The following PDK1 variants were observed in gnomAD, a reference collection of about 807,000 sequenced individuals.
PDK1 encodes pyruvate dehydrogenase kinase 1.
PDK1 carries 39 observed loss-of-function variants against 54.2 expected under a neutral mutation model. The ratio of observed to expected loss-of-function variants is 0.72; its 90% CI spans 0.56 to 0.94. PDK1 has a LOEUF of 0.94. Ranked by LOEUF, PDK1 falls within the 40% of genes least tolerant of loss-of-function variation. PDK1 has a pLI of 0.00. For missense variants in PDK1, 552 were observed against 566.0 expected (o/e 0.98, Z 0.25); for synonymous variants, 221 against 207.1 (o/e 1.07, Z -0.58).
At chr2:172,721,131 T>C in the PDK1 span, among the ~76,000 whole-genome samples, 1 of 152,216 alleles carries the variant, frequency 6.6e-6, no homozygotes, top group African/African-American at 2.4e-5. Context: ...CTTCCTGTGT[T>C]CTGCCGAAGG....
chr2:172,667,315 A>T, the PDK1 span, among the ~76,000 whole-genome samples: 1 of 152,226 alleles, frequency 6.6e-6, no homozygotes, highest in Non-Finnish European at 1.5e-5. Context: ...CAGAGTGAGC[A>T]GGTTTAGAAT....
the PDK1 span, among the ~76,000 whole-genome samples, chr2:172,692,067 C>G: frequency 1.3e-5 from 2 of 152,170 alleles, no homozygotes; most frequent in African/African-American, 4.8e-5. Context: ...AGTGACACTT[C>G]ATAATCAGCC....
chr2:172,661,916 C>T, the PDK1 span, among the ~76,000 whole-genome samples: 2 of 152,128 alleles, frequency 1.3e-5, no homozygotes, highest in East Asian at 3.9e-4. Context: ...GCAACATGCC[C>T]ATGTAACAAA....
chr2:172,563,817 A>T (rs1688786259), intron 3 of PDK1, among the ~76,000 whole-genome samples: 1 of 146,386 alleles, frequency 6.8e-6, no homozygotes, highest in African/African-American at 2.8e-5. Context: ...CTGGGCAACA[A>T]GAGCAAAATT....
the PDK1 span, among the ~76,000 whole-genome samples, chr2:172,629,050 C>G: frequency 6.6e-6 from 1 of 152,088 alleles, no homozygotes; most frequent in Non-Finnish European, 1.5e-5. Flanking sequence ...ATTGCTGGAG[C>G]CTTGAGGAGG....
the PDK1 span, among the ~76,000 whole-genome samples, chr2:172,627,528 G>A: frequency 2.6e-5 from 4 of 152,106 alleles, no homozygotes; most frequent in Non-Finnish European, 4.4e-5. Flanking sequence ...GTCCTTAAAA[G>A]ATCTAGGAAA....
the PDK1 span, among the ~76,000 whole-genome samples, chr2:172,628,111 A>G: frequency 6.6e-6 from 1 of 152,154 alleles, no homozygotes; most frequent in Non-Finnish European, 1.5e-5. Flanking sequence ...GCCAAAACCA[A>G]TGTGTAACCT....
chr2:172,574,604 C>T (rs900181247), intron 8 of PDK1, among the ~76,000 whole-genome samples: 2 of 152,130 alleles, frequency 1.3e-5, no homozygotes, highest in Admixed American at 6.5e-5. Flanking sequence ...TGCTTTCTTT[C>T]AATAATGTTT....
chr2:172,560,699 T>G (rs1688610968), intron 2 of PDK1, among the ~76,000 whole-genome samples: 1 of 152,260 alleles, frequency 6.6e-6, no homozygotes, highest in African/African-American at 2.4e-5. Flanking sequence ...TTTATTTTTC[T>G]GTTTTAAAAC....
At chr2:172,659,487 T>C in the PDK1 span, among the ~76,000 whole-genome samples, 1 of 152,174 alleles carries the variant, frequency 6.6e-6, no homozygotes, top group African/African-American at 2.4e-5. Flanking sequence ...TTAAATAAAT[T>C]TGTATGCTTT....
chr2:172,555,997 G>T (rs1310879626), upstream of PDK1: 2 of 474,786 alleles, frequency 4.2e-6, no homozygotes, highest in Non-Finnish European at 3.4e-6. Context: ...CCCGCCCAGC[G>T]GCGCAGGGGG....
the PDK1 span, among the ~76,000 whole-genome samples, chr2:172,633,389 T>C: frequency 3.6e-3 from 494 of 136,562 alleles, 2 homozygotes; most frequent in Middle Eastern, 0.015. Flanking sequence ...TTCTTTTTTT[T>C]TTTTTTTTTT....
chr2:172,578,235 C>A (rs915425216), intron 8 of PDK1, among the ~76,000 whole-genome samples: 6 of 152,328 alleles, frequency 3.9e-5, no homozygotes, highest in South Asian at 4.1e-4. Context: ...AGTCATTTCT[C>A]TGTTTCTCAG....
chr2:172,582,915 C>T (rs946251467), intron 8 of PDK1, among the ~76,000 whole-genome samples: 2 of 152,180 alleles, frequency 1.3e-5, no homozygotes, highest in African/African-American at 4.8e-5. Context: ...TCTGCTTATC[C>T]CCTCTTATTT....
Position 172,600,484 on chromosome 2 carries a change from C to T in PDK1, c.*4515C>T, listed in dbSNP as rs1657809187. Reference sequence around the variant, plus strand: ...TCCATAATGGCCAGTATGTAGTAGGCACCTGTAATTGTGAAGCAGCCTCAT... The same window carrying T: ...TCCATAATGGCCAGTATGTAGTAGGTACCTGTAATTGTGAAGCAGCCTCAT... On this transcript the variant is annotated 3_prime_UTR_variant, in exon 11 of 11. Coordinates refer to ENST00000282077, the MANE Select transcript of PDK1 (RefSeq NM_002610.5). 6.6e-6 allele frequency: 1 copy of T among 152,150 alleles called. No homozygotes were observed. The highest frequency in any genetic ancestry group is 6.5e-5 in the Admixed American group (1 of 15,268). The allele number at this position is 152,150 out of a possible 1,614,324, so 9.4% of individuals were successfully genotyped here.
the PDK1 span, among the ~76,000 whole-genome samples, chr2:172,714,169 T>A: frequency 0.025 from 3,769 of 152,386 alleles, 77 homozygotes; most frequent in Non-Finnish European, 0.037. Flanking sequence ...CACATTTTTA[T>A]GTTAACATCT....
chr2:172,556,208 C>A lies in PDK1; in HGVS notation c.58C>A (p.Arg20Ser). 1 of 1,416,740 alleles carries A rather than the reference C, an allele frequency of 7.1e-7. No homozygotes were observed. The highest frequency in any genetic ancestry group is 1.5e-5 in the South Asian group (1 of 67,758). 87.8% of individuals were successfully genotyped at this position (1,416,740 alleles called of 1,614,324 possible). A position where few individuals can be genotyped will look rare whatever the true frequency, so the allele number is the denominator to read the frequency against. ...AALAGPGPGL[R>S]AAGFSRSFSS... ...CTTGGCCGGCCCGGGCCCGGGGCTGCGCGCCGCCGGCTTCAGCCGCAGCTT... is the reference window on the plus strand; with the variant it reads ...CTTGGCCGGCCCGGGCCCGGGGCTGAGCGCCGCCGGCTTCAGCCGCAGCTT... Residue 20 changes from arginine (R) to serine (S), a missense_variant, in exon 1 of 11, where the codon CGC becomes AGC. By Grantham distance (110) the Arg-to-Ser change is moderately radical (BLOSUM62 -1). Transcript: ENST00000282077.
the PDK1 span, among the ~76,000 whole-genome samples, chr2:172,722,568 TA>T: frequency 1.3e-5 from 2 of 152,204 alleles, no homozygotes; most frequent in Non-Finnish European, 2.9e-5. Flanking sequence ...AAATTATTAT[TA>T]GTGGCTGCTT....
chr2:172,699,434 A>G, the PDK1 span, among the ~76,000 whole-genome samples: 1 of 144,262 alleles, frequency 6.9e-6, no homozygotes, highest in East Asian at 2.0e-4. Flanking sequence ...AATCGTTCAT[A>G]TTTTTTTTGA....
Sources: gnomAD v4.1 joint callset for allele counts (sites outside exome capture counted in the v4.1 genomes callset) on GRCh38, gnomAD v4.1.1 for gene constraint, MANE v1.5 for transcripts, NCBI Gene and HGNC (gene_info 2026-07-23, HGNC 2026-07-21) for gene names.